The following PTPRD variants were observed in gnomAD, a reference collection of about 807,000 sequenced individuals.
PTPRD encodes the protein receptor-type tyrosine-protein phosphatase delta.
PTPRD carries 34 observed loss-of-function variants against 214.5 expected under a neutral mutation model. The observed-to-expected ratio is 0.16, with a 90% CI of 0.12 to 0.21. The LOEUF is 0.21. Ranked by LOEUF, PTPRD falls within the 10% of genes least tolerant of loss-of-function variation. The pLI is 1.00. For missense variants in PTPRD, 2,545 were observed against 2,398.7 expected, an observed-to-expected ratio of 1.06 and a Z score of -1.27; for synonymous variants, 1,128 against 845.7, an observed-to-expected ratio of 1.33 and a Z score of -5.79.
chr9:8,822,122 C>T (rs571841368), intron 11 of PTPRD, among the ~76,000 whole-genome samples: 58 of 152,312 alleles, frequency 3.8e-4, no homozygotes, highest in African/African-American at 9.6e-4. Flanking sequence ...GCTTAGTAAG[C>T]ATTTTTCAGT....
At chr9:8,598,805 G>A (rs2094622497) in intron 14 of PTPRD, among the ~76,000 whole-genome samples, 1 of 152,176 alleles carries the variant, frequency 6.6e-6, no homozygotes, top group Non-Finnish European at 1.5e-5. Context: ...GAGTTAAAAT[G>A]CTTGGGTTAT....
At chr9:10,426,279 T>C (rs1350963133) in intron 2 of PTPRD, among the ~76,000 whole-genome samples, 2 of 152,072 alleles carry the variant, frequency 1.3e-5, no homozygotes, top group African/African-American at 4.8e-5. Flanking sequence ...TAATCAATTC[T>C]CATTTCATGA....
chr9:8,786,800 T>C (rs990168859), intron 11 of PTPRD, among the ~76,000 whole-genome samples: 6 of 152,052 alleles, frequency 3.9e-5, no homozygotes, highest in African/African-American at 1.4e-4. Context: ...ATTAACAAAC[T>C]GATTCCCAGA....
intron 2 of PTPRD, among the ~76,000 whole-genome samples, chr9:10,572,220 G>T (rs2067682122): frequency 1.3e-5 from 2 of 152,032 alleles, no homozygotes; most frequent in Admixed American, 1.3e-4. Context: ...CAGGCTTAGG[G>T]GCTATATAGG....
At chr9:8,526,672 G>A in intron 16 of PTPRD, 28 bp from the exon 17 acceptor site, 1 of 1,569,890 alleles carries the variant, frequency 6.4e-7, no homozygotes, top group Non-Finnish European at 8.7e-7. Flanking sequence ...ATGCAAATAA[G>A]ATTAGAAAGA....
intron 9 of PTPRD, among the ~76,000 whole-genome samples, chr9:9,326,208 C>A (rs1268564014): frequency 6.6e-6 from 1 of 151,998 alleles, no homozygotes; most frequent in Non-Finnish European, 1.5e-5. Flanking sequence ...ATCCAGGAAG[C>A]CGTATCTTTT....
intron 39 of PTPRD, among the ~76,000 whole-genome samples, chr9:8,355,366 T>G (rs1486837265): frequency 1.3e-5 from 2 of 152,226 alleles, no homozygotes; most frequent in Non-Finnish European, 2.9e-5. Context: ...ACATACCTGG[T>G]TATGTATCAG....
chr9:9,936,878 T>G (rs62536904), intron 5 of PTPRD, among the ~76,000 whole-genome samples: 4 of 144,792 alleles, frequency 2.8e-5, no homozygotes, highest in Admixed American at 7.0e-5. Context: ...ATATACACCA[T>G]GGAATACTAT....
intron 8 of PTPRD, among the ~76,000 whole-genome samples, chr9:9,463,638 T>G (rs1456791534): frequency 6.6e-6 from 1 of 152,172 alleles, no homozygotes. Flanking sequence ...TTTTTATTTT[T>G]ATTTTTTTTA....
chr9:8,805,496 C>G (rs1196390240), intron 11 of PTPRD, among the ~76,000 whole-genome samples: 1 of 150,742 alleles, frequency 6.6e-6, no homozygotes, highest in Non-Finnish European at 1.5e-5. Context: ...TTATAAACCT[C>G]AATTGCAATA....
intron 2 of PTPRD, among the ~76,000 whole-genome samples, chr9:10,493,112 T>C (rs2040887376): frequency 6.6e-6 from 1 of 151,948 alleles, no homozygotes; most frequent in South Asian, 2.1e-4. Flanking sequence ...CAGAAACAAA[T>C]GGAAAATCAT....
At chr9:8,860,759 T>G (rs1423093715) in intron 11 of PTPRD, 1 of 152,184 alleles carries the variant, frequency 6.6e-6, no homozygotes, top group Non-Finnish European at 1.5e-5. Flanking sequence ...TAATCTTTTG[T>G]TGAAATTACC....
chr9:8,936,427 C>CAAAA (rs1181403459), intron 11 of PTPRD, among the ~76,000 whole-genome samples: 86 of 31,338 alleles, frequency 2.7e-3, no homozygotes, highest in East Asian at 3.7e-3. Flanking sequence ...ACCCTGCCTC[C>CAAAA]AAAAAAAAAA....
chr9:10,504,237 C>T (rs985866794), intron 2 of PTPRD, among the ~76,000 whole-genome samples: 3 of 149,250 alleles, frequency 2.0e-5, no homozygotes, highest in African/African-American at 2.5e-5. Context: ...GCATCGAACT[C>T]TCTCCTATCT....
At chr9:10,492,129 T>C (rs995917758) in intron 2 of PTPRD, among the ~76,000 whole-genome samples, 1 of 152,188 alleles carries the variant, frequency 6.6e-6, no homozygotes, top group Non-Finnish European at 1.5e-5. Flanking sequence ...GGCATTTGGG[T>C]TGATTCCAAG....
intron 9 of PTPRD, among the ~76,000 whole-genome samples, chr9:9,186,403 T>C: frequency 6.6e-6 from 1 of 152,156 alleles, no homozygotes; most frequent in Middle Eastern, 3.4e-3. Flanking sequence ...AGTATTTGTA[T>C]ATGTTCATGA....
intron 3 of PTPRD, among the ~76,000 whole-genome samples, chr9:10,305,371 C>A (rs1596568936): frequency 9.1e-6 from 1 of 110,250 alleles, no homozygotes; most frequent in Non-Finnish European, 1.9e-5. Context: ...ACTAAAACAC[C>A]AAAAGCAATG....
At chr9:8,735,152 G>GT (rs1380564021) in intron 11 of PTPRD, among the ~76,000 whole-genome samples, 17,885 of 125,256 alleles carry the variant, frequency 0.14, 1,651 homozygotes, top group Non-Finnish European at 0.19. Context: ...TTTTTTTTCT[G>GT]TTTTTTTTTT....
chr9:8,462,302 C>T (rs1372578048), intron 32 of PTPRD, among the ~76,000 whole-genome samples: 1 of 151,854 alleles, frequency 6.6e-6, no homozygotes, highest in Non-Finnish European at 1.5e-5. Flanking sequence ...ATCAGTGTCC[C>T]CCAGGTCCAT....
Sources: gnomAD v4.1 joint callset for allele counts (sites outside exome capture counted in the v4.1 genomes callset) on GRCh38, gnomAD v4.1.1 for gene constraint, MANE v1.5 for transcripts, NCBI Gene and HGNC (gene_info 2026-07-23, HGNC 2026-07-21) for gene names.